ATE1: variants seen among roughly 807,000 people sequenced by gnomAD.
The protein encoded by ATE1 is arginyl-tRNA--protein transferase 1.
ATE1 carries 36 observed loss-of-function variants against 70.5 expected under a neutral mutation model. That is an observed-to-expected ratio of 0.51 (90% CI 0.39 to 0.67). The LOEUF is 0.67. ATE1 is among the 30% of genes least tolerant of loss of function. ATE1 has a pLI of 0.00. For synonymous variants in ATE1, 232 were observed against 219.3 expected (o/e 1.06, Z -0.51); for missense variants, 593 against 629.5 (o/e 0.94, Z 0.62).
At chr10:121,856,732 G>A (rs1478869756) in intron 8 of ATE1, among the ~76,000 whole-genome samples, 4 of 152,154 alleles carry the variant, frequency 2.6e-5, no homozygotes, top group African/African-American at 9.7e-5. Context: ...ATATTTCAGT[G>A]CCAAAAAATG....
At chr10:121,857,432 C>T (rs1949287749) in intron 8 of ATE1, among the ~76,000 whole-genome samples, 1 of 152,168 alleles carries the variant, frequency 6.6e-6, no homozygotes, top group African/African-American at 2.4e-5. Flanking sequence ...CTGCAAGAGA[C>T]ATCATTTTGT....
rs1190874644 is a variant in ATE1, at chr10:121,742,018, G to T, written c.*1662C>A. The T allele has an allele frequency of 6.6e-6, 1 of 152,034 alleles. No individual in the cohort carries two copies. The highest frequency in any genetic ancestry group is 2.4e-5 in the African/African-American group (1 of 41,436). The allele number at this position is 152,034 out of a possible 1,614,324, so 9.4% of individuals were successfully genotyped here. A position where few individuals can be genotyped will look rare whatever the true frequency, so the allele number is the denominator to read the frequency against. On this transcript the variant is annotated 3_prime_UTR_variant, in exon 12 of 12. Coordinates refer to ENST00000224652, the MANE Select transcript of ATE1 (RefSeq NM_001001976.3). ...AAAAAAGGCTCTATAGATTCTGAAG[G>T]CAGTTCCAAGTAAGTCTCTCAAATG...
intron 8 of ATE1, among the ~76,000 whole-genome samples, chr10:121,847,524 C>CTGCCCA (rs1408438829): frequency 6.6e-6 from 1 of 151,062 alleles, no homozygotes; most frequent in East Asian, 1.9e-4. Context: ...ACTTTGGAGG[C>CTGCCCA]CAAGGTGGGC....
In ATE1 at chr10:121,869,992, T is replaced by G. The variant is rs1467841024; in HGVS notation, c.975+14A>C. 1 of 1,596,662 alleles carries G rather than the reference T, an allele frequency of 6.3e-7. No homozygotes were observed. Among genetic ancestry groups the G allele is most frequent in the Non-Finnish European group, 8.6e-7 (1 of 1,165,254 alleles). ...TTACCAATTCTAATATTAAGGTCAG[T>G]GAGTAACTCTTACCTCCAAGGGTGA... On this transcript the variant is annotated intron_variant, in intron 8 of 11. Coordinates refer to ENST00000224652, the MANE Select transcript of ATE1 (RefSeq NM_001001976.3).
chr10:121,879,487 T>G (rs1950163764), intron 7 of ATE1, among the ~76,000 whole-genome samples: 1 of 152,216 alleles, frequency 6.6e-6, no homozygotes, highest in African/African-American at 2.4e-5. Context: ...TTTATCTTGT[T>G]CCCTATGCTA....
chr10:121,783,553 G>T, intron 11 of ATE1, among the ~76,000 whole-genome samples: 1 of 150,724 alleles, frequency 6.6e-6, no homozygotes, highest in African/African-American at 2.4e-5. Context: ...TTAATGGTAC[G>T]TAAAATAAAA....
At chr10:121,892,992 T>C (rs1177385836) in intron 7 of ATE1, among the ~76,000 whole-genome samples, 6 of 152,028 alleles carry the variant, frequency 3.9e-5, no homozygotes, top group African/African-American at 1.2e-4. Flanking sequence ...TAAAAAGCAA[T>C]TGTAGGCCGG....
chr10:121,743,473 G>A lies in ATE1; in HGVS notation c.*207C>T, dbSNP rs928113386. 3 of 1,010,544 alleles carry A rather than the reference G, an allele frequency of 3.0e-6. No individual in the cohort carries two copies. Among genetic ancestry groups the A allele is most frequent in the Admixed American group, 3.9e-5 (1 of 25,524 alleles). The allele number at this position is 1,010,544 out of a possible 1,614,324, so 62.6% of individuals were successfully genotyped here. On this transcript the variant is annotated 3_prime_UTR_variant, in exon 12 of 12. Coordinates refer to ENST00000224652, the MANE Select transcript of ATE1 (RefSeq NM_001001976.3). Reference sequence around the variant, plus strand: ...GATAAATCCCAATTATGGGGGCTAGGTCATAATGCAGTTTTAAAATCTTTA... The same window carrying A: ...GATAAATCCCAATTATGGGGGCTAGATCATAATGCAGTTTTAAAATCTTTA...
Position 121,898,862 on chromosome 10 carries a change from G to A in ATE1, c.942+1004C>T, listed in dbSNP as rs781663183. ...ATACCTCAGTCTTCCCACATTCATC[G>A]GGTGGATCCTGGTGTATGGCCACTT... On this transcript the variant is annotated intron_variant, in intron 7 of 11. Transcript: ENST00000224652. 1.3e-5 allele frequency: 21 copies of A among 1,613,544 alleles called. No individual in the cohort carries two copies. Among genetic ancestry groups the A allele is most frequent in the African/African-American group, 2.7e-5 (2 of 74,856 alleles).
intron 10 of ATE1, among the ~76,000 whole-genome samples, chr10:121,820,200 GA>G (rs899333412): frequency 6.6e-6 from 1 of 151,718 alleles, no homozygotes; most frequent in Non-Finnish European, 1.5e-5. Flanking sequence ...TTCACAAGGG[GA>G]AAAAAACTGC....
intron 11 of ATE1, among the ~76,000 whole-genome samples, chr10:121,752,723 T>C (rs1203497014): frequency 6.6e-6 from 1 of 152,232 alleles, no homozygotes; most frequent in Non-Finnish European, 1.5e-5. Flanking sequence ...TGAGGGTTTA[T>C]TTCTGGACTC....
chr10:121,919,236 G>A (rs11817929), intron 3 of ATE1, among the ~76,000 whole-genome samples: 7 of 152,030 alleles, frequency 4.6e-5, no homozygotes, highest in East Asian at 1.9e-4. Flanking sequence ...CACTCACTGC[G>A]AAGGTCTGCG....
intron 7 of ATE1, among the ~76,000 whole-genome samples, chr10:121,878,776 A>G (rs556239197): frequency 6.6e-6 from 1 of 152,288 alleles, no homozygotes; most frequent in African/African-American, 2.4e-5. Context: ...CAGCTAAGAT[A>G]TATCTTAGCA....
chr10:121,771,668 T>C (rs896595798), intron 11 of ATE1, among the ~76,000 whole-genome samples: 1 of 152,242 alleles, frequency 6.6e-6, no homozygotes, highest in African/African-American at 2.4e-5. Flanking sequence ...TTTCAAGTTA[T>C]TTTATGCAAA....
At chr10:121,813,280 G>C (rs1213504995) in intron 10 of ATE1, among the ~76,000 whole-genome samples, 1 of 152,158 alleles carries the variant, frequency 6.6e-6, no homozygotes, top group Non-Finnish European at 1.5e-5. Context: ...AATCTATTCT[G>C]ATCTCATCAA....
chr10:121,842,637 G>A (rs1432720381), intron 8 of ATE1, among the ~76,000 whole-genome samples: 1 of 152,036 alleles, frequency 6.6e-6, no homozygotes, highest in Admixed American at 6.6e-5. Flanking sequence ...GAACAAAAGA[G>A]AAATTTATTC....
chr10:121,919,863 A>T (rs1168963549), intron 3 of ATE1, among the ~76,000 whole-genome samples: 1 of 151,532 alleles, frequency 6.6e-6, no homozygotes, highest in Non-Finnish European at 1.5e-5. Flanking sequence ...ACACCACTGC[A>T]CTCCAGCCTG....
At chr10:121,856,191 TTATTAG>T (rs1222133554) in intron 8 of ATE1, among the ~76,000 whole-genome samples, 1 of 152,090 alleles carries the variant, frequency 6.6e-6, no homozygotes, top group East Asian at 1.9e-4. Context: ...TTTCTCAGAA[TTATTAG>T]TATTAAGTAT....
chr10:121,923,262 A>C (rs1564971532), intron 2 of ATE1, among the ~76,000 whole-genome samples: 1 of 152,198 alleles, frequency 6.6e-6, no homozygotes, highest in Non-Finnish European at 1.5e-5. Context: ...TTGCAACCAG[A>C]TGTTCGAGAC....
Sources: gnomAD v4.1 joint callset for allele counts (sites outside exome capture counted in the v4.1 genomes callset) on GRCh38, gnomAD v4.1.1 for gene constraint, MANE v1.5 for transcripts, NCBI Gene and HGNC (gene_info 2026-07-23, HGNC 2026-07-21) for gene names.